Variants in CLSTN2 observed in about 807,000 individuals in gnomAD.
CLSTN2 encodes calsyntenin 2, also known as calsyntenin-2.
A neutral mutation model predicts 101.2 loss-of-function variants in CLSTN2; 48 were observed. That is an observed-to-expected ratio of 0.47 (90% CI 0.38 to 0.60). The LOEUF is 0.60. Ranked by LOEUF, CLSTN2 falls within the 20% of genes least tolerant of loss-of-function variation. The pLI is 0.00. For synonymous variants in CLSTN2, 481 were observed against 463.6 expected, an observed-to-expected ratio of 1.04 and a Z score of -0.48; for missense variants, 1,160 against 1,238.2, an observed-to-expected ratio of 0.94 and a Z score of 0.95.
chr3:140,501,581 A>C (rs553712903), intron 8 of CLSTN2, among the ~76,000 whole-genome samples: 1 of 152,338 alleles, frequency 6.6e-6, no homozygotes, highest in African/African-American at 2.4e-5. Flanking sequence ...CATAGAAAGC[A>C]GATTTTCTCA....
At chr3:140,364,607 G>T (rs2087764716) in intron 2 of CLSTN2, among the ~76,000 whole-genome samples, 1 of 152,116 alleles carries the variant, frequency 6.6e-6, no homozygotes, top group South Asian at 2.1e-4. Context: ...GCTTACAATA[G>T]CAGTTGGAGA....
chr3:140,171,478 C>A (rs879905749), intron 1 of CLSTN2, among the ~76,000 whole-genome samples: 1 of 150,436 alleles, frequency 6.6e-6, no homozygotes, highest in Admixed American at 6.8e-5. Context: ...CTGAACTGAC[C>A]TTTTGAAGGA....
chr3:140,338,733 A>G (rs1036850313), intron 2 of CLSTN2, among the ~76,000 whole-genome samples: 2 of 152,148 alleles, frequency 1.3e-5, no homozygotes, highest in African/African-American at 4.8e-5. Context: ...TTCCTGCGTG[A>G]GGCCTAGTGG....
chr3:140,269,220 C>T (rs560554271), intron 2 of CLSTN2, among the ~76,000 whole-genome samples: 1 of 152,288 alleles, frequency 6.6e-6, no homozygotes, highest in South Asian at 2.1e-4. Flanking sequence ...TGGTACCTTG[C>T]TCAGTTTCTT....
chr3:140,558,828 C>T lies in CLSTN2; in HGVS notation c.2012C>T (p.Thr671Ile). The change falls in exon 12 of 17, where the codon ACC (threonine) becomes ATC (isoleucine). Residue 671 changes from threonine to isoleucine, a missense_variant. Coordinates refer to ENST00000458420, the MANE Select transcript of CLSTN2 (RefSeq NM_022131.3). ...DIKIVSTFAK[T>I]EAPGDVKTTD... is the part of the protein sequence containing the mutation. ...AAGATTGTGAGCACCTTCGCCAAAACCGAAGCCCCCGGGGACGTGAAAACC... is the reference window on the plus strand; with the variant it reads ...AAGATTGTGAGCACCTTCGCCAAAATCGAAGCCCCCGGGGACGTGAAAACC... 1 of 1,613,940 alleles carries T rather than the reference C, an allele frequency of 6.2e-7. No individual in the cohort carries two copies. Among genetic ancestry groups the T allele is most frequent in the Non-Finnish European group, 8.5e-7 (1 of 1,179,988 alleles).
At chr3:140,162,739 T>C (rs909249856) in intron 1 of CLSTN2, among the ~76,000 whole-genome samples, 2 of 152,150 alleles carry the variant, frequency 1.3e-5, no homozygotes, top group African/African-American at 4.8e-5. Flanking sequence ...ACAAGCAAAA[T>C]TGGCCTGCCA....
intron 2 of CLSTN2, among the ~76,000 whole-genome samples, chr3:140,221,373 C>G (rs962141046): frequency 1.3e-5 from 2 of 151,792 alleles, no homozygotes; most frequent in Non-Finnish European, 2.9e-5. Context: ...GCAGAGGGTG[C>G]TACATAATAT....
At chr3:140,192,598 C>T (rs1248357761) in intron 2 of CLSTN2, among the ~76,000 whole-genome samples, 2 of 151,654 alleles carry the variant, frequency 1.3e-5, no homozygotes, top group Non-Finnish European at 3.0e-5. Flanking sequence ...TTTGCTTTAT[C>T]TGTTATTAAT....
intron 8 of CLSTN2, among the ~76,000 whole-genome samples, chr3:140,512,003 G>A (rs796343491): frequency 3.3e-5 from 5 of 150,766 alleles, no homozygotes; most frequent in East Asian, 3.9e-4. Flanking sequence ...TTTCTTGTAC[G>A]TTTGCTTAAG....
chr3:140,543,530 A>T (rs1178544854), intron 9 of CLSTN2, among the ~76,000 whole-genome samples: 1 of 152,242 alleles, frequency 6.6e-6, no homozygotes, highest in Non-Finnish European at 1.5e-5. Context: ...GGCTCAAACC[A>T]TAAAGATGGA....
chr3:140,318,876 C>T (rs1223197179), intron 2 of CLSTN2, among the ~76,000 whole-genome samples: 1 of 152,052 alleles, frequency 6.6e-6, no homozygotes, highest in Non-Finnish European at 1.5e-5. Context: ...ATAAGTAATC[C>T]ATCCTGCAAA....
chr3:140,467,762 A>C, intron 8 of CLSTN2, among the ~76,000 whole-genome samples: 8 of 144,886 alleles, frequency 5.5e-5, no homozygotes, highest in South Asian at 2.2e-4. Context: ...CTATATCTCC[A>C]CCCCCACCCT....
Position 139,949,838 on chromosome 3 carries a change from A to C in CLSTN2, c.109+14355A>C, listed in dbSNP as rs144322932. On this transcript the variant is annotated intron_variant, in intron 1 of 16. Transcript: ENST00000458420. ...TTGGGTCCTCCTTGCTCCTATCAGC[A>C]TTCCCTTAAACCCTAGACTGTACAA... Among the ~76,000 whole-genome samples the C allele has an allele frequency of 8.8e-3, 1,340 of 152,344 alleles. 13 individuals carry two copies. Among genetic ancestry groups the C allele is most frequent in the Non-Finnish European group, 0.013 (888 of 68,018 alleles).
chr3:140,092,670 C>T (rs1292873280), intron 1 of CLSTN2, among the ~76,000 whole-genome samples: 1 of 152,172 alleles, frequency 6.6e-6, no homozygotes, highest in Admixed American at 6.5e-5. Context: ...AGTCAGAAGA[C>T]CTCTGTCTGA....
chr3:140,559,866 T>C (rs1330347494), intron 12 of CLSTN2, among the ~76,000 whole-genome samples: 1 of 152,166 alleles, frequency 6.6e-6, no homozygotes, highest in African/African-American at 2.4e-5. Flanking sequence ...TCTTAGCTCA[T>C]AAAAAATAGA....
chr3:140,388,047 C>T (rs982359331), intron 2 of CLSTN2, among the ~76,000 whole-genome samples: 5 of 152,226 alleles, frequency 3.3e-5, no homozygotes, highest in African/African-American at 4.8e-5. Context: ...TTGCTTCTCA[C>T]GCTTCACCAG....
intron 1 of CLSTN2, among the ~76,000 whole-genome samples, chr3:140,117,273 A>G (rs2107797512): frequency 6.6e-6 from 1 of 152,276 alleles, no homozygotes; most frequent in Middle Eastern, 3.4e-3. Context: ...TGTGTCCTAC[A>G]CAGCTCAGTG....
intron 1 of CLSTN2, among the ~76,000 whole-genome samples, chr3:140,171,686 A>ATATAT (rs2010222225): frequency 5.0e-4 from 3 of 5,970 alleles, no homozygotes; most frequent in Non-Finnish European, 1.2e-3. Context: ...ATTATATATA[A>ATATAT]TATATATTAA....
In CLSTN2 at chr3:140,562,233, T is replaced by C; in HGVS notation, c.2137T>C (p.Leu713=). ...GGACTTGGACCCAAGGCAGGAGTGC[T>C]TGGAGCTCAACCACAGTGAGCTCCA... ...GGDLDPRQEC[L]ELNHSELHQR... Residue 713 remains leucine, a synonymous_variant, in exon 13 of 17, where the codon TTG becomes CTG. Coordinates refer to ENST00000458420, the MANE Select transcript of CLSTN2 (RefSeq NM_022131.3). 1.2e-6 allele frequency: 2 copies of C among 1,614,080 alleles called. No individual in the cohort carries two copies. The highest frequency in any genetic ancestry group is 1.7e-6 in the Non-Finnish European group (2 of 1,179,948).
Sources: allele counts gnomAD v4.1 joint callset (sites outside exome capture counted in the v4.1 genomes callset), GRCh38; gene constraint gnomAD v4.1.1; transcripts MANE v1.5; gene names NCBI Gene and HGNC (gene_info 2026-07-23, HGNC 2026-07-21).